Variants in CHM observed in about 807,000 individuals in gnomAD.
CHM encodes the protein rab proteins geranylgeranyltransferase component A 1.
CHM carries 10 observed loss-of-function variants against 49.0 expected under a neutral mutation model. The observed-to-expected ratio is 0.20, with a 90% CI of 0.13 to 0.35. The LOEUF (loss-of-function observed/expected upper bound fraction) is 0.35. CHM is among the 10% of genes least tolerant of loss of function. The probability of loss-of-function intolerance (pLI) is 1.00; values close to 1 mark genes in which losing one functional copy is unlikely to be tolerated. For synonymous variants in CHM, 184 were observed against 167.5 expected, an observed-to-expected ratio of 1.10 and a Z score of -0.76; for missense variants, 455 against 478.4, an observed-to-expected ratio of 0.95 and a Z score of 0.46.
chrX:85,937,828 AG>A (rs1857082293), intron 8 of CHM, among the ~76,000 whole-genome samples: 1 of 104,740 alleles, frequency 9.5e-6, no homozygotes, highest in African/African-American at 3.5e-5. Context: ...TGGGAAACAG[AG>A]CAAGACTGTC....
At chrX:85,971,315 C>T (rs998230708) in intron 4 of CHM, 1 of 557,467 alleles carries the variant, frequency 1.8e-6, no homozygotes, top group Non-Finnish European at 2.2e-6. Context: ...GCCGCGGACC[C>T]GCGCGGTGAG....
intron 5 of CHM, among the ~76,000 whole-genome samples, chrX:85,960,562 T>C (rs1310316830): frequency 9.1e-6 from 1 of 110,454 alleles, no homozygotes; most frequent in East Asian, 2.9e-4. Context: ...TAGCTGGCAT[T>C]ACAGGAATGC....
At chrX:85,983,999 C>T (rs1228293219) in intron 2 of CHM, among the ~76,000 whole-genome samples, 3 of 109,467 alleles carry the variant, frequency 2.7e-5, no homozygotes, top group Non-Finnish European at 5.7e-5. Context: ...GTGAGGAGGT[C>T]GAGACTAGAC....
chrX:85,940,167 C>T (rs1929026194), intron 8 of CHM, among the ~76,000 whole-genome samples: 1 of 111,219 alleles, frequency 9.0e-6, no homozygotes, highest in African/African-American at 3.3e-5. Context: ...CACTTTTAAA[C>T]ACTGTTGTAA....
At chrX:86,016,524 T>C (rs1260404684) in intron 2 of CHM, among the ~76,000 whole-genome samples, 1 of 112,639 alleles carries the variant, frequency 8.9e-6, no homozygotes, top group Non-Finnish European at 1.9e-5. Context: ...GCTCAGGCCG[T>C]GGCTTCAGAG....
At chrX:85,907,837 G>A (rs967187628) in intron 9 of CHM, among the ~76,000 whole-genome samples, 2 of 111,837 alleles carry the variant, frequency 1.8e-5, no homozygotes, top group Non-Finnish European at 3.8e-5. Context: ...TTAACTCAAA[G>A]TTATTCAGTA....
At chrX:85,935,244 G>A (rs780964505) in intron 8 of CHM, among the ~76,000 whole-genome samples, 1 of 111,440 alleles carries the variant, frequency 9.0e-6, no homozygotes, top group African/African-American at 3.3e-5. Flanking sequence ...AATAGAGTGA[G>A]AACTCACTTA....
intron 1 of CHM, 84 bp from the exon 2 acceptor site, chrX:86,027,641 T>C (rs926088713): frequency 3.0e-5 from 24 of 797,432 alleles, no homozygotes; most frequent in Non-Finnish European, 4.1e-5. Flanking sequence ...CATTGCTGTA[T>C]AGAACAGTTT....
chrX:85,999,057 T>C (rs1368035980), intron 2 of CHM, among the ~76,000 whole-genome samples: 1 of 110,952 alleles, frequency 9.0e-6, no homozygotes, highest in Non-Finnish European at 1.9e-5. Flanking sequence ...TTTTTCTTTA[T>C]CACAATTCCT....
intron 4 of CHM, 46 bp downstream of exon 4, chrX:85,978,721 G>GA (rs777593505): frequency 4.3e-5 from 50 of 1,152,886 alleles, no homozygotes; most frequent in Middle Eastern, 2.4e-4. Flanking sequence ...AAAGAAGAGT[G>GA]AAAAAGTCAT....
chrX:85,999,021 A>G (rs746789444), intron 2 of CHM, among the ~76,000 whole-genome samples: 4 of 111,636 alleles, frequency 3.6e-5, no homozygotes, highest in African/African-American at 1.3e-4. Flanking sequence ...ACAAAAAACA[A>G]CTACAGAGAC....
At chrX:85,911,150 T>TATAC (rs1926931462) in intron 9 of CHM, 111 bp downstream of exon 9, 4 of 17,728 alleles carry the variant, frequency 2.3e-4, no homozygotes, top group African/African-American at 1.4e-3. Flanking sequence ...TATATATATA[T>TATAC]ATATATATAT....
intron 2 of CHM, among the ~76,000 whole-genome samples, chrX:86,011,420 T>G (rs1171435457): frequency 1.8e-5 from 2 of 111,027 alleles, no homozygotes; most frequent in Non-Finnish European, 3.8e-5. Flanking sequence ...GACAGCAAGG[T>G]GCATGGTGTC....
At chrX:85,875,204 G>A (rs977887695) in intron 13 of CHM, among the ~76,000 whole-genome samples, 2 of 111,909 alleles carry the variant, frequency 1.8e-5, no homozygotes, top group African/African-American at 6.5e-5. Flanking sequence ...AAACTTTAAA[G>A]AGATATATAA....
chrX:85,877,580 A>G (rs141852729), intron 13 of CHM, among the ~76,000 whole-genome samples: 1 of 111,716 alleles, frequency 9.0e-6, no homozygotes, highest in African/African-American at 3.2e-5. Flanking sequence ...AAAAATAACT[A>G]AAAGAGTATA....
chrX:85,977,025 G>A (rs1213473260), intron 4 of CHM, among the ~76,000 whole-genome samples: 1 of 111,538 alleles, frequency 9.0e-6, no homozygotes, highest in Non-Finnish European at 1.9e-5. Flanking sequence ...AACTATTTTG[G>A]CCCTAGCCCC....
At chrX:85,873,781 G>C (rs1924252822) in intron 13 of CHM, among the ~76,000 whole-genome samples, 2 of 110,767 alleles carry the variant, frequency 1.8e-5, no homozygotes, top group African/African-American at 6.6e-5. Context: ...TGAATCATAT[G>C]GTATATGAAT....
In CHM at chrX:85,957,993, TTTAAG is replaced by T; in HGVS notation, c.820-23_820-19del. ...CACGGAACCTGAAAAATATTATGATTTTAAGTTAAGAAACTGCTTCCTAATGATAT... is the reference window on the plus strand; with the variant it reads ...CACGGAACCTGAAAAATATTATGATTTTAAGAAACTGCTTCCTAATGATAT... On this transcript the variant is annotated intron_variant, in intron 6 of 14. Transcript: ENST00000357749. The T allele has an allele frequency of 8.3e-7, 1 of 1,207,101 alleles. No individual in the cohort carries two copies. The highest frequency in any genetic ancestry group is 1.1e-6 in the Non-Finnish European group (1 of 892,232).
intron 4 of CHM, among the ~76,000 whole-genome samples, chrX:85,978,025 G>A (rs991775136): frequency 8.9e-6 from 1 of 111,874 alleles, no homozygotes; most frequent in Non-Finnish European, 1.9e-5. Context: ...TACTATTAAA[G>A]TGCCTGACAG....
Sources: allele counts gnomAD v4.1 joint callset (sites outside exome capture counted in the v4.1 genomes callset), GRCh38; gene constraint gnomAD v4.1.1; transcripts MANE v1.5; gene names NCBI Gene and HGNC (gene_info 2026-07-23, HGNC 2026-07-21).